CYRIA: variants seen among roughly 807,000 people sequenced by gnomAD.
CYRIA encodes the protein CYFIP-related Rac1 interactor A.
Under a neutral mutation model 43.9 loss-of-function variants are expected in CYRIA, and 15 were observed. That is an observed-to-expected ratio of 0.34 (90% CI 0.23 to 0.53). The LOEUF is 0.53. CYRIA is among the 20% of genes least tolerant of loss of function. The probability of loss-of-function intolerance (pLI) is 0.94; values close to 1 mark genes in which losing one functional copy is unlikely to be tolerated. For synonymous variants in CYRIA, 117 were observed against 136.0 expected, an observed-to-expected ratio of 0.86 and a Z score of 0.97; for missense variants, 236 against 394.2, an observed-to-expected ratio of 0.60 and a Z score of 3.40.
chr2:16,602,725 A>G (rs1668254582), intron 2 of CYRIA, among the ~76,000 whole-genome samples: 1 of 152,176 alleles, frequency 6.6e-6, no homozygotes, highest in South Asian at 2.1e-4. Flanking sequence ...ACAGCACATT[A>G]GGGTCAAAGA....
rs35850813 is a variant in CYRIA, at chr2:16,579,419, G to GCACACACACACA, written c.70+8619_70+8630dup. Among the ~76,000 whole-genome samples, 694 of 147,428 alleles carry GCACACACACACA rather than the reference G, an allele frequency of 4.7e-3. 7 individuals carry two copies. The highest frequency in any genetic ancestry group is 0.015 in the African/African-American group (602 of 40,268). On this transcript the variant is annotated intron_variant, in intron 3 of 11. Transcript: ENST00000381323. ...GGCCTTATTAAAATCACATGCACATGCACACACACACACACACACACACAC... is the reference window on the plus strand; with the variant it reads ...GGCCTTATTAAAATCACATGCACATGCACACACACACACACACACACACACACACACACACAC...
At chr2:16,651,143 C>T (rs1669964491) in intron 1 of CYRIA, among the ~76,000 whole-genome samples, 2 of 152,078 alleles carry the variant, frequency 1.3e-5, no homozygotes, top group South Asian at 4.1e-4. Context: ...AGGGTTGGCA[C>T]CTTGCATGTG....
intron 3 of CYRIA, among the ~76,000 whole-genome samples, chr2:16,587,647 CTTG>C (rs1315801593): frequency 6.6e-5 from 10 of 152,204 alleles, no homozygotes; most frequent in African/African-American, 1.9e-4. Flanking sequence ...ATAATTCCCA[CTTG>C]TTGTGGGAGG....
chr2:16,633,767 A>C (rs188921772), intron 1 of CYRIA, among the ~76,000 whole-genome samples: 2 of 152,074 alleles, frequency 1.3e-5, no homozygotes, highest in Admixed American at 1.3e-4. Context: ...TCTGCAGAAA[A>C]AAGTTTTCAA....
At chr2:16,589,143 ACT>A (rs1377808434) in intron 2 of CYRIA, among the ~76,000 whole-genome samples, 4 of 151,972 alleles carry the variant, frequency 2.6e-5, no homozygotes, top group African/African-American at 7.2e-5. Context: ...CATTCCTCTA[ACT>A]CTGCTGTAAG....
chr2:16,617,623 A>G (rs1414925343), intron 2 of CYRIA, among the ~76,000 whole-genome samples: 1 of 152,092 alleles, frequency 6.6e-6, no homozygotes, highest in East Asian at 1.9e-4. Context: ...AGCCCCTTTC[A>G]CTCTGTGAGC....
chr2:16,576,881 G>C lies in CYRIA; in HGVS notation c.71-11114C>G, dbSNP rs975196501. On this transcript the variant is annotated intron_variant, in intron 3 of 11. Coordinates refer to ENST00000381323, the MANE Select transcript of CYRIA (RefSeq NM_030797.4). Reference sequence around the variant, plus strand: ...ATATGCAACAACGTGAATGAACCTTGAGGATATTATGCTAAGCAAAATAAA... The same window carrying C: ...ATATGCAACAACGTGAATGAACCTTCAGGATATTATGCTAAGCAAAATAAA... Among the ~76,000 whole-genome samples the C allele has an allele frequency of 5.3e-5, 8 of 152,150 alleles. No individual in the cohort carries two copies. In the East Asian group the frequency reaches 1.3e-3, roughly 26 times the overall value.
chr2:16,599,805 G>A (rs1668138380), intron 2 of CYRIA, among the ~76,000 whole-genome samples: 1 of 152,104 alleles, frequency 6.6e-6, no homozygotes, highest in Non-Finnish European at 1.5e-5. Flanking sequence ...TGCCCAGGCT[G>A]GAGTGCAGTA....
rs138099754 is a variant in CYRIA, at chr2:16,555,018, G to T, written c.908+51C>A. 108 of 1,458,696 alleles carry T rather than the reference G, an allele frequency of 7.4e-5. No homozygotes were observed. The East Asian group carries it at 1.7e-3, about 23-fold the overall frequency. The allele number at this position is 1,458,696 out of a possible 1,614,324, so 90.4% of individuals were successfully genotyped here. ...CACAACAGTATTTAAATTTGCAATG[G>T]CCCTGAAAGGCTGGCTGTTCCCTGT... On this transcript the variant is annotated intron_variant, in intron 11 of 11. Transcript: ENST00000381323.
At chr2:16,575,199 C>T (rs561226613) in intron 3 of CYRIA, among the ~76,000 whole-genome samples, 1 of 152,148 alleles carries the variant, frequency 6.6e-6, no homozygotes, top group Non-Finnish European at 1.5e-5. Context: ...AATGCCTGTA[C>T]CCCTGTTGTA....
intron 2 of CYRIA, among the ~76,000 whole-genome samples, chr2:16,613,808 G>C (rs1167940689): frequency 6.6e-6 from 1 of 152,246 alleles, no homozygotes; most frequent in Admixed American, 6.5e-5. Context: ...TAAACTCACA[G>C]TTGTAGTAGC....
chr2:16,645,312 G>A (rs1359567765), intron 1 of CYRIA, among the ~76,000 whole-genome samples: 2 of 149,934 alleles, frequency 1.3e-5, no homozygotes, highest in African/African-American at 2.5e-5. Flanking sequence ...ACAAAGGTAT[G>A]GCATTTGGAA....
chr2:16,581,787 C>T (rs780797638), intron 3 of CYRIA, among the ~76,000 whole-genome samples: 21 of 152,074 alleles, frequency 1.4e-4, no homozygotes, highest in Non-Finnish European at 1.9e-4. Context: ...TAGCCCCAAA[C>T]GGGAAATAGC....
intron 1 of CYRIA, among the ~76,000 whole-genome samples, chr2:16,627,599 T>C (rs1384055185): frequency 6.6e-6 from 1 of 152,130 alleles, no homozygotes; most frequent in Non-Finnish European, 1.5e-5. Context: ...AGCTTTTGAG[T>C]GATAGAGTCA....
chr2:16,573,669 G>A (rs1000965124), intron 3 of CYRIA, among the ~76,000 whole-genome samples: 7 of 152,168 alleles, frequency 4.6e-5, no homozygotes, highest in African/African-American at 1.7e-4. Context: ...TAATGAATAA[G>A]TCTCATGAGA....
chr2:16,561,948 T>C, intron 6 of CYRIA, 57 bp downstream of exon 6: 1 of 1,546,224 alleles, frequency 6.5e-7, no homozygotes, highest in Non-Finnish European at 8.8e-7. Context: ...AGAACAGCTG[T>C]AAACAGTAGG....
Position 16,559,563 on chromosome 2 carries a change from C to G in CYRIA, c.734G>C (p.Ser245Thr). ...ETPEYRSRFT[S>T]EETLMFCMRV... ...CATGCAGAACATCAGGGTCTCTTCA[C>G]TCGTAAACCTACTTCTGTACTCCCT... The change falls in exon 10 of 12, where the codon AGT (serine) becomes ACT (threonine). Residue 245 changes from serine to threonine, a missense_variant. Transcript: ENST00000381323. 2 of 1,612,894 alleles carry G rather than the reference C, an allele frequency of 1.2e-6. No homozygotes were observed. The highest frequency in any genetic ancestry group is 1.7e-6 in the Non-Finnish European group (2 of 1,179,264).
intron 2 of CYRIA, among the ~76,000 whole-genome samples, chr2:16,601,439 C>CA (rs1332841484): frequency 6.6e-6 from 1 of 152,060 alleles, no homozygotes; most frequent in African/African-American, 2.4e-5. Flanking sequence ...ATAGGTTATT[C>CA]AATTTTTTTC....
chr2:16,584,145 G>A (rs754918272), intron 3 of CYRIA, among the ~76,000 whole-genome samples: 7 of 152,050 alleles, frequency 4.6e-5, no homozygotes, highest in South Asian at 2.1e-4. Flanking sequence ...CAACAAATTC[G>A]GAATCTGCTC....
Sources: allele counts gnomAD v4.1 joint callset (sites outside exome capture counted in the v4.1 genomes callset), GRCh38; gene constraint gnomAD v4.1.1; transcripts MANE v1.5; gene names NCBI Gene and HGNC (gene_info 2026-07-23, HGNC 2026-07-21).